The following GPC6 variants were observed in gnomAD, a reference collection of about 807,000 sequenced individuals.
GPC6 encodes the protein glypican-6.
Under a neutral mutation model 55.2 loss-of-function variants are expected in GPC6, and 14 were observed. That is an observed-to-expected ratio of 0.25 (90% confidence interval 0.17 to 0.40). The LOEUF (loss-of-function observed/expected upper bound fraction) is 0.40, where lower values mean the gene tolerates loss of function less well. GPC6 is among the 10% of genes least tolerant of loss of function. GPC6 has a pLI of 1.00. For missense variants in GPC6, 641 were observed against 708.5 expected (o/e 0.90, Z 1.08); for synonymous variants, 278 against 259.6 (o/e 1.07, Z -0.68).
chr13:93,626,527 C>T (rs1879206488), intron 2 of GPC6, among the ~76,000 whole-genome samples: 1 of 152,184 alleles, frequency 6.6e-6, no homozygotes, highest in African/African-American at 2.4e-5. Context: ...CCTGGCTGGA[C>T]TCAGTGGCTC....
intron 4 of GPC6, among the ~76,000 whole-genome samples, chr13:94,067,840 C>G (rs1884585564): frequency 6.6e-6 from 1 of 152,148 alleles, no homozygotes; most frequent in African/African-American, 2.4e-5. Flanking sequence ...ATACAATCCT[C>G]TGGTTTTCTA....
chr13:94,374,779 C>G (rs1323186511), intron 6 of GPC6, among the ~76,000 whole-genome samples: 1 of 132,888 alleles, frequency 7.5e-6, no homozygotes, highest in Non-Finnish European at 1.6e-5. Flanking sequence ...CACCACACCA[C>G]ACCTATTCCA....
chr13:94,373,971 A>G (rs1879712428), intron 6 of GPC6, among the ~76,000 whole-genome samples: 2 of 152,096 alleles, frequency 1.3e-5, no homozygotes, highest in Admixed American at 6.5e-5. Flanking sequence ...ACTAAGCTTC[A>G]TAAGTGAAGG....
intron 3 of GPC6, among the ~76,000 whole-genome samples, chr13:93,937,510 G>T (rs977377291): frequency 1.3e-5 from 2 of 152,184 alleles, no homozygotes; most frequent in African/African-American, 4.8e-5. Flanking sequence ...AATACATTCA[G>T]AGAAGTTTAC....
intron 2 of GPC6, among the ~76,000 whole-genome samples, chr13:93,639,619 T>C (rs1215732849): frequency 6.6e-6 from 1 of 152,158 alleles, no homozygotes; most frequent in African/African-American, 2.4e-5. Flanking sequence ...GGTCAGATTC[T>C]ACACATATCT....
intron 7 of GPC6, among the ~76,000 whole-genome samples, chr13:94,393,033 TTTTG>T (rs1293558420): frequency 2.6e-5 from 4 of 152,208 alleles, no homozygotes; most frequent in African/African-American, 4.8e-5. Flanking sequence ...ACTTGTTATT[TTTTG>T]TTTGTTTATT....
rs887435918 is a variant in GPC6, at chr13:93,794,705, A to T, written c.320-35449A>T. ...TCAGGGGGGATACTAATATGTTCAC[A>T]GCTGCCTATTAGAGTCACTTATAGT... On this transcript the variant is annotated intron_variant, in intron 2 of 8. Coordinates refer to ENST00000377047, the MANE Select transcript of GPC6 (RefSeq NM_005708.5). Among the ~76,000 whole-genome samples, 7 of 152,324 alleles carry T rather than the reference A, an allele frequency of 4.6e-5. No homozygotes were observed. In the East Asian group the frequency reaches 1.3e-3, roughly 29 times the overall value.
At chr13:93,380,544 T>C (rs1399644180) in intron 1 of GPC6, among the ~76,000 whole-genome samples, 2 of 152,182 alleles carry the variant, frequency 1.3e-5, no homozygotes, top group African/African-American at 2.4e-5. Flanking sequence ...ACTTGTAGGA[T>C]AATCTTGTTG....
At chr13:93,285,930 A>T (rs1487140092) in intron 1 of GPC6, among the ~76,000 whole-genome samples, 1 of 152,164 alleles carries the variant, frequency 6.6e-6, no homozygotes, top group African/African-American at 2.4e-5. Flanking sequence ...GATAATAGGC[A>T]TATTTAAAGG....
chr13:94,057,412 C>G lies in GPC6; in HGVS notation c.877+29518C>G, dbSNP rs554037782. Among the ~76,000 whole-genome samples the G allele has an allele frequency of 1.3e-5, 2 of 152,268 alleles. 1 individual carries two copies. The highest frequency in any genetic ancestry group is 4.8e-5 in the African/African-American group (2 of 41,556). ...TGTTCATTGAGACTATTATCACAGTCACGAAATATTTGAAAATCTGTGTTT... is the reference window on the plus strand; with the variant it reads ...TGTTCATTGAGACTATTATCACAGTGACGAAATATTTGAAAATCTGTGTTT... On this transcript the variant is annotated intron_variant, in intron 4 of 8. Transcript: ENST00000377047.
intron 2 of GPC6, among the ~76,000 whole-genome samples, chr13:93,798,789 T>G (rs761235127): frequency 6.6e-6 from 1 of 151,562 alleles, no homozygotes; most frequent in Admixed American, 6.6e-5. Flanking sequence ...CATGGTGGTG[T>G]GTGCCTGTAA....
chr13:93,519,305 A>G (rs1457665025), intron 1 of GPC6, among the ~76,000 whole-genome samples: 2 of 152,156 alleles, frequency 1.3e-5, no homozygotes, highest in East Asian at 3.9e-4. Flanking sequence ...ATTATAGAAG[A>G]TGTTACATAT....
intron 1 of GPC6, among the ~76,000 whole-genome samples, chr13:93,249,478 T>C (rs1473629534): frequency 6.6e-6 from 1 of 152,218 alleles, no homozygotes; most frequent in East Asian, 1.9e-4. Flanking sequence ...ATGGGCTTCC[T>C]GCATAGGGAA....
intron 2 of GPC6, among the ~76,000 whole-genome samples, chr13:93,786,903 C>T (rs1885831374): frequency 6.6e-6 from 1 of 152,180 alleles, no homozygotes. Flanking sequence ...ATTATGTCTG[C>T]ATCTCCTCAG....
chr13:93,324,532 G>A (rs1424622801), intron 1 of GPC6, among the ~76,000 whole-genome samples: 1 of 127,518 alleles, frequency 7.8e-6, no homozygotes, highest in Non-Finnish European at 1.5e-5. Context: ...AATATCTCAT[G>A]TATGTATGTG....
At chr13:94,321,723 G>T (rs1428798860) in intron 6 of GPC6, among the ~76,000 whole-genome samples, 1 of 152,080 alleles carries the variant, frequency 6.6e-6, no homozygotes, top group East Asian at 1.9e-4. Flanking sequence ...ATTGTTCCAG[G>T]TTCAGCCCTA....
intron 4 of GPC6, among the ~76,000 whole-genome samples, chr13:94,085,912 A>G (rs1264406266): frequency 5.3e-5 from 8 of 152,196 alleles, no homozygotes; most frequent in Admixed American, 5.2e-4. Context: ...ACTTCAATTT[A>G]TATAATATAT....
chr13:93,415,560 G>T (rs1174718022), intron 1 of GPC6, among the ~76,000 whole-genome samples: 2 of 152,034 alleles, frequency 1.3e-5, no homozygotes, highest in Admixed American at 6.6e-5. Context: ...TAGTCACTGG[G>T]TTAAATAGTA....
chr13:94,128,262 G>T (rs1362526027), intron 4 of GPC6, among the ~76,000 whole-genome samples: 1 of 152,098 alleles, frequency 6.6e-6, no homozygotes, highest in Admixed American at 6.6e-5. Context: ...TGTAAAGTAG[G>T]AAAATTTTTA....
Sources: allele counts gnomAD v4.1 joint callset (sites outside exome capture counted in the v4.1 genomes callset), GRCh38; gene constraint gnomAD v4.1.1; transcripts MANE v1.5; gene names NCBI Gene and HGNC (gene_info 2026-07-23, HGNC 2026-07-21).